The following BARD1 variants were observed in gnomAD, a reference collection of about 807,000 sequenced individuals.
The protein encoded by BARD1 is BRCA1-associated RING domain protein 1.
A neutral mutation model predicts 77.0 loss-of-function variants in BARD1; 73 were observed. The ratio of observed to expected loss-of-function variants is 0.95; its 90% CI spans 0.79 to 1.15. BARD1 has a LOEUF of 1.15. Among genes scored for constraint, BARD1 ranks in the 50% most tolerant of loss-of-function variants. The pLI is 0.00. For missense variants in BARD1, 993 were observed against 938.8 expected, an observed-to-expected ratio of 1.06 and a Z score of -0.75; for synonymous variants, 384 against 338.0, an observed-to-expected ratio of 1.14 and a Z score of -1.49.
At position 214,809,645 on chromosome 2, in the gene BARD1, G is replaced by C; in HGVS notation, c.-76C>G. 1 of 1,505,984 alleles carries C rather than the reference G, an allele frequency of 6.6e-7. No homozygotes were observed. The highest frequency in any genetic ancestry group is 8.9e-7 in the Non-Finnish European group (1 of 1,122,974). The allele number at this position is 1,505,984 out of a possible 1,614,324, so 93.3% of individuals were successfully genotyped here. On this transcript the variant is annotated 5_prime_UTR_variant, in exon 1 of 11. Transcript: ENST00000260947. The stretch of plus-strand genomic sequence containing the variant: ...CTCGGGAAACCACAGGGAAGCTGCA[G>C]GCCAGCGACTCGAAACCGGCCAAGC...
At chr2:214,737,530 G>A (rs1692620216) in intron 9 of BARD1, among the ~76,000 whole-genome samples, 1 of 152,112 alleles carries the variant, frequency 6.6e-6, no homozygotes, top group Non-Finnish European at 1.5e-5. Flanking sequence ...GTGAGTTTCA[G>A]AATGATGACC....
intron 3 of BARD1, among the ~76,000 whole-genome samples, chr2:214,789,863 T>C (rs1695436771): frequency 6.6e-6 from 1 of 152,040 alleles, no homozygotes; most frequent in Admixed American, 6.6e-5. Flanking sequence ...AGTGCTTAAG[T>C]CTGGTAAGGA....
intron 6 of BARD1, among the ~76,000 whole-genome samples, chr2:214,757,127 G>A (rs1693730320): frequency 6.6e-6 from 1 of 151,930 alleles, no homozygotes; most frequent in Non-Finnish European, 1.5e-5. Flanking sequence ...ATAGCCTGGG[G>A]AGCCATGAGC....
At chr2:214,769,507 C>G (rs542931280) in intron 4 of BARD1, among the ~76,000 whole-genome samples, 195 bp from the exon 5 acceptor site, 2 of 152,172 alleles carry the variant, frequency 1.3e-5, no homozygotes, top group Non-Finnish European at 2.9e-5. Flanking sequence ...TTTGAGAGGC[C>G]AAGGTGGGTG....
At chr2:214,765,572 T>C (rs563582757) in intron 6 of BARD1, among the ~76,000 whole-genome samples, 1 of 152,286 alleles carries the variant, frequency 6.6e-6, no homozygotes, top group South Asian at 2.1e-4. Flanking sequence ...GCTCCATCCA[T>C]TAAAGTAGTC....
In BARD1 at chr2:214,745,093, T is replaced by C. The variant is rs587781443; in HGVS notation, c.1877A>G (p.Asn626Ser). 45 of 1,613,854 alleles carry C rather than the reference T, an allele frequency of 2.8e-5. No individual in the cohort carries two copies. Among genetic ancestry groups the C allele is most frequent in the South Asian group, 1.4e-4 (13 of 91,072 alleles). ...TTCAAATTTTAGAATCCAGCATCCATTGAGAATCCCAAGCATACACTTCAA... is the reference window on the plus strand; with the variant it reads ...TTCAAATTTTAGAATCCAGCATCCACTGAGAATCCCAAGCATACACTTCAA... ...STLKCMLGIL[N>S]GCWILKFEWV... The change falls in exon 9 of 11, where the codon AAT becomes AGT. Residue 626 changes from asparagine (N) to serine (S), a missense_variant. Physicochemically the swap from Asn to Ser is conservative, Grantham distance 46. Transcript: ENST00000260947.
chr2:214,729,645 T>C (rs1314161873), intron 10 of BARD1, among the ~76,000 whole-genome samples: 1 of 152,176 alleles, frequency 6.6e-6, no homozygotes, highest in Admixed American at 6.5e-5. Flanking sequence ...AAACAAACTA[T>C]TCATCAAACT....
chr2:214,786,640 G>C (rs1695289216), intron 3 of BARD1, among the ~76,000 whole-genome samples: 1 of 151,966 alleles, frequency 6.6e-6, no homozygotes, highest in Admixed American at 6.6e-5. Context: ...TCTAGCAAAA[G>C]AGTAAAGATT....
Position 214,745,769 on chromosome 2 carries a change from AG to A in BARD1, c.1762del (p.Ala589GlnfsTer2). 6.2e-7 allele frequency: 1 copy of A among 1,614,066 alleles called. No homozygotes were observed. Among genetic ancestry groups the A allele is most frequent in the Non-Finnish European group, 8.5e-7 (1 of 1,179,970 alleles). The part of the protein sequence containing the change: ...SSEQQKMLSE[L>X]AVILKAKKYT... ...TTTTTTAGCCTTAAGAATTACTGCA[AG>A]CTCACTGAGCATTTTCTGTTGTTCT... On this transcript the variant is annotated frameshift_variant, in exon 8 of 11. Coordinates refer to ENST00000260947, the MANE Select transcript of BARD1 (RefSeq NM_000465.4). LOFTEE classifies it high-confidence loss of function.
rs1694271901 is a variant in BARD1 at position 214,767,586 on chromosome 2, G to A, written c.1464C>T (p.Asn488=). The change falls in exon 6 of 11, where the codon AAC becomes AAT. Residue 488 remains asparagine (N), a synonymous_variant. Transcript: ENST00000260947. ...ELLLQHKALV[N]TTGYQNDSPL... ...GTGAGTCATTTTGATACCCGGTGGTGTTCACCAATGCCTTATGCTGGAGCA... is the reference window on the plus strand; with the variant it reads ...GTGAGTCATTTTGATACCCGGTGGTATTCACCAATGCCTTATGCTGGAGCA... 1.2e-6 allele frequency: 2 copies of A among 1,614,068 alleles called. No individual in the cohort carries two copies. The highest frequency in any genetic ancestry group is 1.7e-6 in the Non-Finnish European group (2 of 1,179,954).
intron 3 of BARD1, among the ~76,000 whole-genome samples, 165 bp from the exon 4 acceptor site, chr2:214,781,674 C>CGT (rs748632917): frequency 6.6e-6 from 1 of 152,128 alleles, no homozygotes; most frequent in Non-Finnish European, 1.5e-5. Context: ...GATATTCACT[C>CGT]ATTCAATACT....
chr2:214,785,796 T>C (rs981437197), intron 3 of BARD1, among the ~76,000 whole-genome samples: 1 of 151,892 alleles, frequency 6.6e-6, no homozygotes, highest in Non-Finnish European at 1.5e-5. Flanking sequence ...TCTGATAAGA[T>C]TAAAAACAGT....
Position 214,781,119 on chromosome 2 carries a change from G to A in BARD1, c.755C>T (p.Pro252Leu), listed in dbSNP as rs1694995182. 2 of 1,578,414 alleles carry A rather than the reference G, an allele frequency of 1.3e-6. No individual in the cohort carries two copies. The highest frequency in any genetic ancestry group is 2.7e-5 in the African/African-American group (2 of 73,140). ...TAAGTCTATTTCACCATTTATCTGAGGACTGGAGATAACAGATGGTTGGCT... is the reference window on the plus strand; with the variant it reads ...TAAGTCTATTTCACCATTTATCTGAAGACTGGAGATAACAGATGGTTGGCT... ...FCSQPSVISSPQINGEIDLLA... is the reference protein window; with the variant it reads ...FCSQPSVISSLQINGEIDLLA... Residue 252 changes from proline (P) to leucine (L), a missense_variant, in exon 4 of 11, where the codon CCT (proline) becomes CTT (leucine). Transcript: ENST00000260947.
intron 3 of BARD1, among the ~76,000 whole-genome samples, chr2:214,784,233 T>C (rs546393255): frequency 2.1e-4 from 32 of 151,978 alleles, no homozygotes; most frequent in African/African-American, 7.7e-4. Context: ...TATAAACAGA[T>C]ACTTCTCAAA....
chr2:214,769,415 A>C, intron 4 of BARD1, 103 bp from the exon 5 acceptor site: 2 of 938,936 alleles, frequency 2.1e-6, no homozygotes, highest in Non-Finnish European at 3.4e-6. Flanking sequence ...TAAAACTTAA[A>C]TCGTTTTCTC....
chr2:214,778,410 G>A (rs930282753), intron 4 of BARD1, among the ~76,000 whole-genome samples: 2 of 151,838 alleles, frequency 1.3e-5, no homozygotes, highest in Non-Finnish European at 2.9e-5. Context: ...CTGACAACTG[G>A]TGACAATAAT....
intron 3 of BARD1, among the ~76,000 whole-genome samples, chr2:214,782,002 C>G (rs2106113879): frequency 1.3e-5 from 2 of 152,070 alleles, no homozygotes; most frequent in Middle Eastern, 6.8e-3. Flanking sequence ...ATAAAATTTA[C>G]ACGGAAAAAG....
intron 9 of BARD1, among the ~76,000 whole-genome samples, chr2:214,740,236 G>A (rs1574726432): frequency 6.6e-6 from 1 of 151,988 alleles, no homozygotes; most frequent in African/African-American, 2.4e-5. Context: ...TATTTGCTGG[G>A]TATCCATTAA....
chr2:214,764,083 C>T (rs1694085794), intron 6 of BARD1, among the ~76,000 whole-genome samples: 1 of 152,162 alleles, frequency 6.6e-6, no homozygotes, highest in African/African-American at 2.4e-5. Context: ...AGAAAAGGCA[C>T]AGATATGGGA....
Sources: allele counts gnomAD v4.1 joint callset (sites outside exome capture counted in the v4.1 genomes callset), GRCh38; gene constraint gnomAD v4.1.1; transcripts MANE v1.5; gene names NCBI Gene and HGNC (gene_info 2026-07-23, HGNC 2026-07-21).